The following CDH4 variants were observed in gnomAD, a reference collection of about 807,000 sequenced individuals.
The protein encoded by CDH4 is cadherin-4.
CDH4 carries 33 observed loss-of-function variants against 86.0 expected under a neutral mutation model. The ratio of observed to expected loss-of-function variants is 0.38; its 90% confidence interval spans 0.29 to 0.51. The LOEUF is 0.51. CDH4 is among the 20% of genes least tolerant of loss of function. The pLI, the probability that CDH4 is intolerant of heterozygous loss-of-function variation, is 0.86. For missense variants in CDH4, 1,114 were observed against 1,307.4 expected (o/e 0.85, Z 2.28); for synonymous variants, 555 against 549.4 (o/e 1.01, Z -0.14).
intron 2 of CDH4, among the ~76,000 whole-genome samples, chr20:61,454,850 G>C (rs1223493622): frequency 6.6e-6 from 1 of 152,162 alleles, no homozygotes; most frequent in African/African-American, 2.4e-5. Flanking sequence ...CCCCACTACG[G>C]GGGGCAGTGG....
At chr20:61,761,708 G>A (rs1180498280) in intron 3 of CDH4, among the ~76,000 whole-genome samples, 4 of 152,206 alleles carry the variant, frequency 2.6e-5, no homozygotes, top group African/African-American at 4.8e-5. Flanking sequence ...AGAGGGGTGA[G>A]CGCGGATTTT....
At chr20:61,804,476 C>T (rs914185365) in intron 4 of CDH4, among the ~76,000 whole-genome samples, 1 of 152,222 alleles carries the variant, frequency 6.6e-6, no homozygotes, top group South Asian at 2.1e-4. Context: ...TCAGCCACAC[C>T]CGGGGGGCAG....
chr20:61,371,577 A>C (rs1208667843), intron 2 of CDH4, among the ~76,000 whole-genome samples: 1 of 152,200 alleles, frequency 6.6e-6, no homozygotes, highest in African/African-American at 2.4e-5. Context: ...CTTTCAGCTC[A>C]TTCTGCATTT....
At chr20:61,526,592 C>T (rs1408151668) in intron 2 of CDH4, among the ~76,000 whole-genome samples, 1 of 151,180 alleles carries the variant, frequency 6.6e-6, no homozygotes, top group Non-Finnish European at 1.5e-5. Flanking sequence ...TGGTGTGCTG[C>T]ACCCACTAAC....
intron 2 of CDH4, among the ~76,000 whole-genome samples, chr20:61,668,152 A>T (rs559060026): frequency 7.7e-4 from 117 of 152,382 alleles, no homozygotes; most frequent in African/African-American, 2.7e-3. Context: ...TCCAGAGGTC[A>T]GGTTGGGTAT....
intron 3 of CDH4, among the ~76,000 whole-genome samples, chr20:61,768,345 CAT>C (rs1356698164): frequency 1.5e-4 from 23 of 152,180 alleles, no homozygotes; most frequent in Admixed American, 1.4e-3. Flanking sequence ...CGTGTGCATT[CAT>C]ATATATCTAT....
At chr20:61,397,477 C>T (rs182841128) in intron 2 of CDH4, among the ~76,000 whole-genome samples, 1 of 152,178 alleles carries the variant, frequency 6.6e-6, no homozygotes, top group African/African-American at 2.4e-5. Context: ...CTTTTGAGGG[C>T]TTTCCCAACG....
chr20:61,806,215 G>A (rs1980118903), intron 4 of CDH4, among the ~76,000 whole-genome samples: 1 of 152,250 alleles, frequency 6.6e-6, no homozygotes, highest in Admixed American at 6.5e-5. Context: ...CTTCCCAGAT[G>A]TCAGAGCCAG....
At chr20:61,547,976 C>T (rs951243752) in intron 2 of CDH4, among the ~76,000 whole-genome samples, 2 of 152,200 alleles carry the variant, frequency 1.3e-5, no homozygotes, top group African/African-American at 4.8e-5. Context: ...AACACATGCC[C>T]TTGGCCTTGA....
At chr20:61,627,743 G>T (rs531007187) in intron 2 of CDH4, among the ~76,000 whole-genome samples, 8 of 152,092 alleles carry the variant, frequency 5.3e-5, no homozygotes, top group Non-Finnish European at 8.8e-5. Flanking sequence ...TCATGCAGGG[G>T]TGTCCAGACG....
intron 3 of CDH4, among the ~76,000 whole-genome samples, chr20:61,748,444 C>T (rs1458465853): frequency 6.6e-6 from 1 of 152,206 alleles, no homozygotes; most frequent in African/African-American, 2.4e-5. Context: ...TCCAGTAAAA[C>T]TGTCTTTCAG....
chr20:61,791,775 G>A (rs1303355837), intron 4 of CDH4, among the ~76,000 whole-genome samples: 1 of 152,220 alleles, frequency 6.6e-6, no homozygotes, highest in Non-Finnish European at 1.5e-5. Context: ...TGCATGGCAA[G>A]GAGCCGGCTG....
intron 2 of CDH4, among the ~76,000 whole-genome samples, chr20:61,361,484 TCAAAA>T (rs1052753062): frequency 1.3e-5 from 2 of 152,132 alleles, no homozygotes; most frequent in African/African-American, 4.8e-5. Flanking sequence ...GCTGCAGTGA[TCAAAA>T]CAGACAACCA....
intron 2 of CDH4, among the ~76,000 whole-genome samples, chr20:61,652,930 A>ATTTTTTTTTTTTTT (rs1200927520): frequency 6.5e-5 from 7 of 108,100 alleles, no homozygotes; most frequent in African/African-American, 1.2e-4. Flanking sequence ...TTATTTATTT[A>ATTTTTTTTTTTTTT]TTTATTTATT....
chr20:61,604,653 C>T (rs1332798262), intron 2 of CDH4, among the ~76,000 whole-genome samples: 1 of 152,138 alleles, frequency 6.6e-6, no homozygotes, highest in Non-Finnish European at 1.5e-5. Flanking sequence ...CTGACGCACT[C>T]CTTCCTGCAC....
intron 2 of CDH4, among the ~76,000 whole-genome samples, chr20:61,319,895 C>T (rs762349528): frequency 6.6e-6 from 1 of 150,716 alleles, no homozygotes; most frequent in Non-Finnish European, 1.5e-5. Flanking sequence ...GCGAAGGATG[C>T]AGTAAGCCGA....
chr20:61,304,962 T>C (rs1047815255), intron 2 of CDH4, among the ~76,000 whole-genome samples: 2 of 151,996 alleles, frequency 1.3e-5, no homozygotes, highest in Non-Finnish European at 2.9e-5. Context: ...GTGTGTGCTT[T>C]GTGCATGTGC....
intron 2 of CDH4, among the ~76,000 whole-genome samples, chr20:61,299,717 C>A (rs1394852395): frequency 6.6e-6 from 1 of 152,180 alleles, no homozygotes; most frequent in African/African-American, 2.4e-5. Context: ...GGCCTCCCTG[C>A]AGGCCGGGCT....
intron 2 of CDH4, among the ~76,000 whole-genome samples, chr20:61,307,407 G>T (rs932852360): frequency 6.6e-6 from 1 of 151,968 alleles, no homozygotes; most frequent in Non-Finnish European, 1.5e-5. Flanking sequence ...CTCAGCACCT[G>T]CATGCTCCAA....
Sources: allele counts gnomAD v4.1 joint callset (sites outside exome capture counted in the v4.1 genomes callset), GRCh38; gene constraint gnomAD v4.1.1; transcripts MANE v1.5; gene names NCBI Gene and HGNC (gene_info 2026-07-23, HGNC 2026-07-21).